Variants in CCDC85A observed in about 807,000 individuals in gnomAD.
The protein encoded by CCDC85A is coiled-coil domain containing 85A, also known as coiled-coil domain-containing protein 85A.
Under a neutral mutation model 50.2 loss-of-function variants are expected in CCDC85A, and 38 were observed. That is an observed-to-expected ratio of 0.76 (90% CI 0.58 to 0.99). The LOEUF (loss-of-function observed/expected upper bound fraction) is 0.99, where lower values mean the gene tolerates loss of function less well. Among genes scored for constraint, CCDC85A ranks in the 50% least tolerant of loss-of-function variants. The pLI, the probability that CCDC85A is intolerant of heterozygous loss-of-function variation, is 0.00. For synonymous variants in CCDC85A, 366 were observed against 301.4 expected, an observed-to-expected ratio of 1.21 and a Z score of -2.22; for missense variants, 820 against 742.0, an observed-to-expected ratio of 1.11 and a Z score of -1.22.
chr2:56,301,689 A>G (rs1672211367), intron 2 of CCDC85A, among the ~76,000 whole-genome samples: 2 of 152,124 alleles, frequency 1.3e-5, no homozygotes, highest in African/African-American at 4.8e-5. Flanking sequence ...TGGCTCAACA[A>G]AAGGTGGAGT....
chr2:56,314,315 T>A (rs567178535), intron 2 of CCDC85A, among the ~76,000 whole-genome samples: 1 of 151,722 alleles, frequency 6.6e-6, no homozygotes, highest in Non-Finnish European at 1.5e-5. Flanking sequence ...TGACTTCTGA[T>A]CCCTGCTCTT....
At chr2:56,187,002 C>T (rs890425653) in intron 1 of CCDC85A, among the ~76,000 whole-genome samples, 3 of 152,146 alleles carry the variant, frequency 2.0e-5, no homozygotes, top group Non-Finnish European at 2.9e-5. Context: ...CTGCAAGGAG[C>T]GGACTCCCAG....
At chr2:56,294,935 T>G (rs1449805638) in intron 2 of CCDC85A, among the ~76,000 whole-genome samples, 2 of 152,330 alleles carry the variant, frequency 1.3e-5, no homozygotes, top group East Asian at 3.9e-4. Context: ...GTAGTAATAA[T>G]TATGACAGTG....
In CCDC85A at chr2:56,228,383, G is replaced by A. The variant is rs1242031720; in HGVS notation, c.1240+34943G>A. On this transcript the variant is annotated intron_variant, in intron 2 of 5. Coordinates refer to ENST00000407595, the MANE Select transcript of CCDC85A (RefSeq NM_001080433.2). Reference sequence around the variant, plus strand: ...ATAATAGTACCCATCTTACAAGGTTGTTATCAGGATTAAATGAGACAATAC... The same window carrying A: ...ATAATAGTACCCATCTTACAAGGTTATTATCAGGATTAAATGAGACAATAC... 5.3e-5 allele frequency among the ~76,000 whole-genome samples: 8 copies of A among 152,008 alleles called. No homozygotes were observed. The East Asian group carries it at 1.5e-3, about 29-fold the overall frequency.
intron 2 of CCDC85A, among the ~76,000 whole-genome samples, chr2:56,197,627 A>G (rs567241271): frequency 6.6e-6 from 1 of 152,262 alleles, no homozygotes; most frequent in African/African-American, 2.4e-5. Flanking sequence ...ATTTTGCTTA[A>G]GATGGGTTGG....
chr2:56,220,430 A>G (rs1668276395), intron 2 of CCDC85A, among the ~76,000 whole-genome samples: 3 of 152,038 alleles, frequency 2.0e-5, no homozygotes, highest in African/African-American at 7.2e-5. Context: ...TTATTTATAG[A>G]AATTCAGTAA....
intron 5 of CCDC85A, among the ~76,000 whole-genome samples, chr2:56,381,287 C>A (rs1175750512): frequency 6.6e-6 from 1 of 152,000 alleles, no homozygotes; most frequent in Non-Finnish European, 1.5e-5. Flanking sequence ...GAATATTTCC[C>A]TCAGATAAAT....
rs1316505281 is a variant in CCDC85A, at chr2:56,342,913, A to G, written c.1275A>G (p.Ala425=). The change falls in exon 3 of 6, where the codon GCA becomes GCG. Residue 425 remains alanine (A), a synonymous_variant. Transcript: ENST00000407595. ...TGTCCTATGTTAGGCAGCTGGAGGC[A>G]AGAGTAAGACAGCTGGAGGAAGAAA... ...STLSYVRQLE[A]RVRQLEEENR... 2.5e-6 allele frequency: 4 copies of G among 1,597,726 alleles called. No homozygotes were observed. Among genetic ancestry groups the G allele is most frequent in the Non-Finnish European group, 3.4e-6 (4 of 1,171,276 alleles).
intron 2 of CCDC85A, among the ~76,000 whole-genome samples, chr2:56,330,496 G>A (rs1316136011): frequency 6.6e-6 from 1 of 152,180 alleles, no homozygotes; most frequent in Non-Finnish European, 1.5e-5. Flanking sequence ...ACAGAATGAT[G>A]AGGGCCTTCC....
chr2:56,199,942 C>T (rs575007129), intron 2 of CCDC85A, among the ~76,000 whole-genome samples: 3 of 152,174 alleles, frequency 2.0e-5, no homozygotes, highest in Non-Finnish European at 1.5e-5. Flanking sequence ...AGTCTTGGCT[C>T]ACTGCAACCT....
At chr2:56,313,598 C>T (rs1672790929) in intron 2 of CCDC85A, among the ~76,000 whole-genome samples, 1 of 152,168 alleles carries the variant, frequency 6.6e-6, no homozygotes, top group South Asian at 2.1e-4. Flanking sequence ...CCTGTATACT[C>T]AGTTTTGCCA....
At chr2:56,361,664 GC>G (rs1675533353) in intron 3 of CCDC85A, among the ~76,000 whole-genome samples, 2 of 152,176 alleles carry the variant, frequency 1.3e-5, no homozygotes, top group South Asian at 4.1e-4. Flanking sequence ...GAGGAACAAT[GC>G]CAATGTGGCT....
chr2:56,209,420 C>CTT lies in CCDC85A; in HGVS notation c.1240+15994_1240+15995dup, dbSNP rs11407205. 5.8e-3 allele frequency among the ~76,000 whole-genome samples: 812 copies of CTT among 141,042 alleles called. 3 individuals carry two copies. Among genetic ancestry groups the CTT allele is most frequent in the East Asian group, 0.032 (156 of 4,824 alleles). 92.5% of individuals were successfully genotyped at this position (141,042 alleles called of 152,430 possible). A position where few individuals can be genotyped will look rare whatever the true frequency, so the allele number is the denominator to read the frequency against. On this transcript the variant is annotated intron_variant, in intron 2 of 5. Transcript: ENST00000407595. ...CAGACATGCAAATAGAAGTCTGTTCCTTTTTTTTTTTTTTTCTCCTTTTTC... is the reference window on the plus strand; with the variant it reads ...CAGACATGCAAATAGAAGTCTGTTCCTTTTTTTTTTTTTTTTTCTCCTTTTTC...
At chr2:56,311,257 G>C (rs2104225586) in intron 2 of CCDC85A, among the ~76,000 whole-genome samples, 1 of 152,174 alleles carries the variant, frequency 6.6e-6, no homozygotes, top group East Asian at 1.9e-4. Flanking sequence ...CTCTTCCACT[G>C]CTTCCTATTT....
At chr2:56,287,422 T>G (rs1203863775) in intron 2 of CCDC85A, among the ~76,000 whole-genome samples, 1 of 152,222 alleles carries the variant, frequency 6.6e-6, no homozygotes, top group African/African-American at 2.4e-5. Context: ...AAACATGATT[T>G]CATCTTGACA....
intron 2 of CCDC85A, among the ~76,000 whole-genome samples, chr2:56,307,203 G>A (rs537982769): frequency 1.3e-5 from 2 of 152,134 alleles, no homozygotes; most frequent in East Asian, 3.9e-4. Context: ...TCATTTTATT[G>A]CACGATACAG....
intron 2 of CCDC85A, among the ~76,000 whole-genome samples, chr2:56,295,800 C>G (rs1288039822): frequency 6.6e-6 from 1 of 152,184 alleles, no homozygotes; most frequent in Non-Finnish European, 1.5e-5. Context: ...GAATCTCCCT[C>G]CCTCCCCTAT....
chr2:56,329,610 C>T (rs1017812545), intron 2 of CCDC85A, among the ~76,000 whole-genome samples: 2 of 152,026 alleles, frequency 1.3e-5, no homozygotes, highest in Non-Finnish European at 2.9e-5. Context: ...GAGAATGTCG[C>T]TTTTCTTATA....
At chr2:56,345,812 G>A (rs904341990) in intron 3 of CCDC85A, among the ~76,000 whole-genome samples, 1 of 152,164 alleles carries the variant, frequency 6.6e-6, no homozygotes, top group African/African-American at 2.4e-5. Flanking sequence ...TGCAGAAACT[G>A]TTTCTAACTA....
Sources: gnomAD v4.1 joint callset for allele counts (sites outside exome capture counted in the v4.1 genomes callset) on GRCh38, gnomAD v4.1.1 for gene constraint, MANE v1.5 for transcripts, NCBI Gene and HGNC (gene_info 2026-07-23, HGNC 2026-07-21) for gene names.